Variants in SETDB2 observed in about 807,000 individuals in gnomAD.
SETDB2 encodes histone-lysine N-methyltransferase SETDB2.
In SETDB2, 56 loss-of-function variants were observed where a neutral mutation model predicts 82.5. The observed-to-expected ratio is 0.68, with a 90% CI of 0.55 to 0.85. SETDB2 has a LOEUF of 0.85. SETDB2 is among the 40% of genes least tolerant of loss of function. SETDB2 has a pLI of 0.00. For synonymous variants in SETDB2, 272 were observed against 284.9 expected, an observed-to-expected ratio of 0.95 and a Z score of 0.46; for missense variants, 677 against 816.4, an observed-to-expected ratio of 0.83 and a Z score of 2.08.
At chr13:49,448,057 G>A (rs1319802915) in intron 1 of SETDB2, among the ~76,000 whole-genome samples, 4 of 151,858 alleles carry the variant, frequency 2.6e-5, no homozygotes, top group African/African-American at 9.7e-5. Flanking sequence ...TATTTTTCCT[G>A]CTTCAGAACA....
At chr13:49,470,775 A>G (rs1958212587) in intron 5 of SETDB2, among the ~76,000 whole-genome samples, 1 of 152,114 alleles carries the variant, frequency 6.6e-6, no homozygotes, top group African/African-American at 2.4e-5. Context: ...AGTCCAGAAG[A>G]TCAAGGCTGC....
At chr13:49,462,375 A>G (rs981235663) in intron 4 of SETDB2, among the ~76,000 whole-genome samples, 1 of 152,180 alleles carries the variant, frequency 6.6e-6, no homozygotes, top group Non-Finnish European at 1.5e-5. Context: ...CACTCTTATC[A>G]CTACTGGAGA....
At chr13:49,445,172 C>A (rs1305782824) in intron 1 of SETDB2, among the ~76,000 whole-genome samples, 2 of 152,174 alleles carry the variant, frequency 1.3e-5, no homozygotes. Context: ...CATTCCTTAG[C>A]TTCCTCATCA....
At chr13:49,452,360 C>G (rs1594128799) in intron 2 of SETDB2, among the ~76,000 whole-genome samples, 1 of 152,270 alleles carries the variant, frequency 6.6e-6, no homozygotes, top group South Asian at 2.1e-4. Flanking sequence ...ATCTGTCCAC[C>G]TTGGCCTCCC....
chr13:49,476,338 T>C (rs986529794), intron 5 of SETDB2, 138 bp from the exon 6 acceptor site: 3 of 665,862 alleles, frequency 4.5e-6, no homozygotes, highest in Admixed American at 3.2e-5. Flanking sequence ...TGTATGGCTG[T>C]AGAACATCTT....
At chr13:49,487,151 C>G (rs887120789) in intron 11 of SETDB2, among the ~76,000 whole-genome samples, 7 of 152,008 alleles carry the variant, frequency 4.6e-5, no homozygotes, top group Non-Finnish European at 7.4e-5. Flanking sequence ...ACACGTAACC[C>G]ATGATTAAAA....
chr13:49,492,337 C>A lies in SETDB2; in HGVS notation c.*488C>A. ...CAGCGCCTGAGGATCTAATTTTATG[C>A]ATATTACTCCCAAGTATTTTAACAC... On this transcript the variant is annotated 3_prime_UTR_variant, in exon 14 of 14. Transcript: ENST00000611815. 1 of 162,430 alleles carries A rather than the reference C, an allele frequency of 6.2e-6. No individual in the cohort carries two copies. 10.1% of individuals were successfully genotyped at this position (162,430 alleles called of 1,614,324 possible).
intron 8 of SETDB2, among the ~76,000 whole-genome samples, chr13:49,482,523 GT>G (rs905154368): frequency 1.3e-5 from 2 of 151,042 alleles, no homozygotes; most frequent in African/African-American, 2.4e-5. Context: ...CAGACAAATG[GT>G]TTTTTTTTAG....
chr13:49,468,965 A>G (rs535825307), intron 5 of SETDB2, among the ~76,000 whole-genome samples: 1 of 152,212 alleles, frequency 6.6e-6, no homozygotes, highest in African/African-American at 2.4e-5. Context: ...ATCTAAATTA[A>G]ATTTTCATGT....
At chr13:49,461,212 C>T in intron 4 of SETDB2, 50 bp downstream of exon 4, 3 of 1,327,408 alleles carry the variant, frequency 2.3e-6, no homozygotes, top group South Asian at 1.3e-5. Flanking sequence ...TATTTTCTTG[C>T]CATGAAGCAG....
intron 2 of SETDB2, among the ~76,000 whole-genome samples, chr13:49,457,494 C>T (rs1367265297): frequency 1.4e-5 from 2 of 145,532 alleles, no homozygotes; most frequent in Admixed American, 7.1e-5. Context: ...AGTGCAGTGG[C>T]GCAATCTCAA....
chr13:49,467,663 C>G (rs1055763468), intron 4 of SETDB2, among the ~76,000 whole-genome samples: 1 of 152,154 alleles, frequency 6.6e-6, no homozygotes, highest in Non-Finnish European at 1.5e-5. Context: ...CTTTTCTGTC[C>G]TCAGTATTTT....
At chr13:49,445,054 G>C (rs999168561) in intron 1 of SETDB2, among the ~76,000 whole-genome samples, 197 bp downstream of exon 1, 2 of 152,168 alleles carry the variant, frequency 1.3e-5, no homozygotes, top group Non-Finnish European at 2.9e-5. Context: ...TAACACATGA[G>C]GCCAAGGAGA....
chr13:49,476,499 T>A lies in SETDB2; in HGVS notation c.329T>A (p.Leu110His), dbSNP rs894993089. ...AGAACAACAGAAAATAAGGAAATTCTCTCTCTTGAAGATAAAGTTGTAGAC... is the reference window on the plus strand; with the variant it reads ...AGAACAACAGAAAATAAGGAAATTCACTCTCTTGAAGATAAAGTTGTAGAC... ...TFLTTENKEI[L>H]SLEDKVVDFR... The change falls in exon 6 of 14, where the codon CTC (leucine) becomes CAC (histidine). Residue 110 changes from leucine to histidine, a missense_variant. Transcript: ENST00000611815. 1.9e-6 allele frequency: 3 copies of A among 1,578,254 alleles called. No homozygotes were observed. Among genetic ancestry groups the A allele is most frequent in the East Asian group, 4.5e-5 (2 of 44,508 alleles).
intron 2 of SETDB2, 48 bp from the exon 3 acceptor site, chr13:49,460,059 T>C (rs1957963008): frequency 6.4e-7 from 1 of 1,563,028 alleles, no homozygotes; most frequent in Admixed American, 1.9e-5. Context: ...AGATAAATTA[T>C]AGTATTTTTC....
In SETDB2 at chr13:49,488,484, G is replaced by A. The variant is rs866969016; in HGVS notation, c.1771G>A (p.Ala591Thr). 16 of 1,613,976 alleles carry A rather than the reference G, an allele frequency of 9.9e-6. 1 individual carries two copies. The Middle Eastern group carries it at 2.3e-3, about 232-fold the overall frequency. Residue 591 changes from alanine to threonine, a missense_variant, in exon 12 of 14, where the codon GCA becomes ACA. By Grantham distance (58) the Ala-to-Thr change is moderately conservative. Around this residue, in one of 3 missense-constraint regions of SETDB2, gnomAD observed 420 missense variants for 554.6 expected, o/e 0.76. Coordinates refer to ENST00000611815, the MANE Select transcript of SETDB2 (RefSeq NM_001160308.3). Reference sequence around the variant, plus strand: ...GAAACCCCAAGAGGGACGATCTACAGCATGTCAAAGACAGCAGGTATTTTG... The same window carrying A: ...GAAACCCCAAGAGGGACGATCTACAACATGTCAAAGACAGCAGGTATTTTG... Reference protein sequence around the residue: ...IQKPQEGRSTACQRQQVFCDE... With the variant: ...IQKPQEGRSTTCQRQQVFCDE...
At chr13:49,473,988 A>C (rs1021456590) in intron 5 of SETDB2, among the ~76,000 whole-genome samples, 4 of 152,214 alleles carry the variant, frequency 2.6e-5, no homozygotes, top group African/African-American at 9.6e-5. Context: ...AGGGCCAGGC[A>C]TGGTGGCTCA....
chr13:49,461,198 C>T (rs1594140958), intron 4 of SETDB2, 36 bp downstream of exon 4: 1 of 1,426,060 alleles, frequency 7.0e-7, no homozygotes, highest in East Asian at 2.3e-5. Context: ...AGAGTATTCT[C>T]TGATATTTTC....
chr13:49,452,972 G>A (rs903841682), intron 2 of SETDB2, among the ~76,000 whole-genome samples: 3 of 152,086 alleles, frequency 2.0e-5, no homozygotes, highest in African/African-American at 7.3e-5. Flanking sequence ...TTTCTCCACT[G>A]TAAAGTTACT....
Sources: allele counts gnomAD v4.1 joint callset (sites outside exome capture counted in the v4.1 genomes callset), GRCh38; gene constraint gnomAD v4.1.1; regional missense constraint gnomAD v4.1.1; transcripts MANE v1.5; gene names NCBI Gene and HGNC (gene_info 2026-07-23, HGNC 2026-07-21).